Variants in OIT3 observed in about 807,000 individuals in gnomAD.
OIT3 encodes the protein oncoprotein-induced transcript 3 protein.
Under a neutral mutation model 52.2 loss-of-function variants are expected in OIT3, and 41 were observed. That is an observed-to-expected ratio of 0.79 (90% CI 0.61 to 1.02). OIT3 has a LOEUF of 1.02. Ranked by LOEUF, OIT3 falls within the 50% of genes least tolerant of loss-of-function variation. The pLI is 0.00. For missense variants in OIT3, 634 were observed against 715.5 expected (o/e 0.89, Z 1.30); for synonymous variants, 244 against 276.9 (o/e 0.88, Z 1.18).
At position 72,911,821 on chromosome 10, in the gene OIT3, G is replaced by T. The variant is rs774146232; in HGVS notation, c.772G>T (p.Asp258Tyr). The change falls in exon 5 of 9, where the codon GAT becomes TAT. Residue 258 changes from aspartate (D) to tyrosine (Y), a missense_variant. Coordinates refer to ENST00000334011, the MANE Select transcript of OIT3 (RefSeq NM_152635.3). ...ECPRGLVLSE[D>Y]NHTCQVPVLC... ...TCCCCGGGGCCTGGTGCTGTCTGAG[G>T]ATAACCACACTTGCCAAGGTAGTAC... 4.3e-6 allele frequency: 7 copies of T among 1,613,492 alleles called. No individual in the cohort carries two copies. Among genetic ancestry groups the T allele is most frequent in the Non-Finnish European group, 5.9e-6 (7 of 1,179,680 alleles).
At chr10:72,930,294 C>G (rs1846204562) in intron 7 of OIT3, among the ~76,000 whole-genome samples, 1 of 152,166 alleles carries the variant, frequency 6.6e-6, no homozygotes, top group South Asian at 2.1e-4. Flanking sequence ...TAACAGGAAG[C>G]CCTGGTGCCC....
intron 4 of OIT3, among the ~76,000 whole-genome samples, chr10:72,910,815 C>T (rs182890332): frequency 2.6e-4 from 40 of 152,290 alleles, no homozygotes; most frequent in African/African-American, 2.4e-5. Context: ...GTGGACCATA[C>T]AGAATCTGTA....
intron 6 of OIT3, among the ~76,000 whole-genome samples, chr10:72,920,645 G>A (rs577718170): frequency 1.7e-4 from 26 of 152,218 alleles, no homozygotes; most frequent in African/African-American, 5.3e-4. Flanking sequence ...GTTTTCATTA[G>A]TTTCAAAGAA....
At chr10:72,899,143 T>C in intron 2 of OIT3, 105 bp downstream of exon 2, 1 of 987,286 alleles carries the variant, frequency 1.0e-6, no homozygotes, top group Non-Finnish European at 1.5e-6. Flanking sequence ...TATATCTCAA[T>C]CTGAACAACA....
At position 72,898,882 on chromosome 10, in the gene OIT3, C is replaced by G. The variant is rs1316800731; in HGVS notation, c.280C>G (p.Leu94Val). The G allele has an allele frequency of 1.3e-5, 21 of 1,614,030 alleles. No homozygotes were observed. Among genetic ancestry groups the G allele is most frequent in the Non-Finnish European group, 1.8e-5 (21 of 1,180,014 alleles). ...APVWLNGSHP[L>V]EGDGIVQRQA... ...TGTCTGGCTCAATGGCAGCCACCCC[C>G]TAGAAGGCGACGGCATTGTGCAACG... Residue 94 changes from leucine (L) to valine (V), a missense_variant, in exon 2 of 9, where the codon CTA (leucine) becomes GTA (valine). By Grantham distance (32) the Leu-to-Val change is conservative. Transcript: ENST00000334011.
chr10:72,915,695 G>A (rs1292038388), intron 6 of OIT3, among the ~76,000 whole-genome samples: 5 of 151,926 alleles, frequency 3.3e-5, no homozygotes, highest in African/African-American at 1.2e-4. Flanking sequence ...ACTGCATTTG[G>A]GGGTCCCTTT....
intron 6 of OIT3, among the ~76,000 whole-genome samples, chr10:72,916,050 G>A (rs1393090050): frequency 2.6e-5 from 4 of 152,138 alleles, no homozygotes; most frequent in Non-Finnish European, 5.9e-5. Flanking sequence ...TGGGAATGAT[G>A]GGTGAGGAAA....
intron 6 of OIT3, among the ~76,000 whole-genome samples, chr10:72,920,759 T>G (rs1449229406): frequency 6.6e-6 from 1 of 152,226 alleles, no homozygotes; most frequent in Admixed American, 6.5e-5. Flanking sequence ...TTCTTAGTCT[T>G]GAGTTCTAAT....
chr10:72,926,703 C>G (rs1308635144), intron 7 of OIT3, among the ~76,000 whole-genome samples: 1 of 152,104 alleles, frequency 6.6e-6, no homozygotes, highest in African/African-American at 2.4e-5. Flanking sequence ...AGGGCATCTG[C>G]AGATATGTGG....
chr10:72,923,167 G>A lies in OIT3; in HGVS notation c.952-1062G>A, dbSNP rs532010435. 3.8e-4 allele frequency among the ~76,000 whole-genome samples: 58 copies of A among 152,294 alleles called. 1 individual carries two copies. Among genetic ancestry groups the A allele is most frequent in the African/African-American group, 1.1e-3 (47 of 41,554 alleles). On this transcript the variant is annotated intron_variant, in intron 6 of 8. Transcript: ENST00000334011. Reference sequence around the variant, plus strand: ...GCTGGGATTACAGGTGTGAGCCACCGTGCCTGGCCTTTCCCCCCGGCATTT... The same window carrying A: ...GCTGGGATTACAGGTGTGAGCCACCATGCCTGGCCTTTCCCCCCGGCATTT...
chr10:72,930,785 C>T, intron 8 of OIT3, 148 bp downstream of exon 8: 2 of 603,946 alleles, frequency 3.3e-6, no homozygotes, highest in South Asian at 2.1e-5. Context: ...CATCGAGAAG[C>T]TTAACCCTTT....
rs573996833 is a variant in OIT3, at chr10:72,928,894, C to T, written c.1368-1644C>T. The stretch of plus-strand genomic sequence containing the variant: ...GATTTTTTTAGGTGCACCAAAACAG[C>T]AGTTAGCAAGGAACTAGAAAGCAGT... On this transcript the variant is annotated intron_variant, in intron 7 of 8. Coordinates refer to ENST00000334011, the MANE Select transcript of OIT3 (RefSeq NM_152635.3). 1.1e-4 allele frequency among the ~76,000 whole-genome samples: 17 copies of T among 152,148 alleles called. No individual in the cohort carries two copies. In the East Asian group the frequency reaches 3.1e-3, roughly 28 times the overall value.
chr10:72,921,513 A>T (rs772116847), intron 6 of OIT3, among the ~76,000 whole-genome samples: 36 of 152,068 alleles, frequency 2.4e-4, no homozygotes, highest in Non-Finnish European at 4.1e-4. Flanking sequence ...ACCTTTGCAT[A>T]TTTAGTGTTT....
chr10:72,900,912 A>G (rs762282836), intron 3 of OIT3, among the ~76,000 whole-genome samples: 1 of 152,070 alleles, frequency 6.6e-6, no homozygotes, highest in South Asian at 2.1e-4. Context: ...TACAAAAAAT[A>G]TGAAAATTAT....
chr10:72,918,648 C>T (rs751021365), intron 6 of OIT3: 5 of 635,752 alleles, frequency 7.9e-6, no homozygotes, highest in Admixed American at 2.6e-5. Context: ...AAGTTTTTAA[C>T]CCATCTTGAG....
chr10:72,923,233 C>T (rs771784024), intron 6 of OIT3, among the ~76,000 whole-genome samples: 1 of 152,188 alleles, frequency 6.6e-6, no homozygotes, highest in Admixed American at 6.6e-5. Flanking sequence ...CTGTGGTTTG[C>T]TGGGCATCTG....
chr10:72,904,180 A>T (rs1845958564), intron 3 of OIT3, among the ~76,000 whole-genome samples: 1 of 152,098 alleles, frequency 6.6e-6, no homozygotes, highest in Admixed American at 6.5e-5. Context: ...CTGCTTGCTC[A>T]ATCGATCATG....
chr10:72,901,186 A>T (rs1445144021), intron 3 of OIT3, among the ~76,000 whole-genome samples: 2 of 152,276 alleles, frequency 1.3e-5, no homozygotes, highest in African/African-American at 2.4e-5. Context: ...TTTTTAAAAA[A>T]TTTTAATATG....
At chr10:72,922,087 T>TA in intron 6 of OIT3, among the ~76,000 whole-genome samples, 1 of 152,172 alleles carries the variant, frequency 6.6e-6, no homozygotes, top group East Asian at 1.9e-4. Context: ...GTAGGTGACT[T>TA]AGCCTTTCTC....
Sources: gnomAD v4.1 joint callset for allele counts (sites outside exome capture counted in the v4.1 genomes callset) on GRCh38, gnomAD v4.1.1 for gene constraint, MANE v1.5 for transcripts, NCBI Gene and HGNC (gene_info 2026-07-23, HGNC 2026-07-21) for gene names.